PPARA: variants seen among roughly 807,000 people sequenced by gnomAD.
The protein encoded by PPARA is peroxisome proliferator-activated receptor alpha.
PPARA carries 22 observed loss-of-function variants against 42.2 expected under a neutral mutation model. The observed-to-expected ratio is 0.52, with a 90% CI of 0.37 to 0.74. The LOEUF is 0.74. PPARA is among the 30% of genes least tolerant of loss of function. The pLI is 0.00. For missense variants in PPARA, 465 were observed against 608.2 expected, an observed-to-expected ratio of 0.76 and a Z score of 2.48; for synonymous variants, 242 against 239.3, an observed-to-expected ratio of 1.01 and a Z score of -0.10.
intron 4 of PPARA, among the ~76,000 whole-genome samples, chr22:46,210,693 C>A (rs1478153692): frequency 6.6e-6 from 1 of 152,166 alleles, no homozygotes; most frequent in African/African-American, 2.4e-5. Flanking sequence ...ATCCGCCCAC[C>A]TCGGCCTCCC....
In PPARA at chr22:46,165,742, A is replaced by C. The variant is rs1213165402; in HGVS notation, c.-126-11011A>C. On this transcript the variant is annotated intron_variant, in intron 2 of 8. Coordinates refer to ENST00000407236, the MANE Select transcript of PPARA (RefSeq NM_005036.6). This position sits in a 1 kb window ranked among gnomAD's most constrained non-coding sequence, Gnocchi z 5.5. ...GGTGATCTCAGATTGCAAGGACCTC[A>C]AATGCCTGGCAGAAGCAAGTGAATA... is the stretch of plus-strand genomic sequence containing the variant. Among the ~76,000 whole-genome samples the C allele has an allele frequency of 6.6e-6, 1 of 152,228 alleles. No homozygotes were observed. Among genetic ancestry groups the C allele is most frequent in the Non-Finnish European group, 1.5e-5 (1 of 68,042 alleles).
At chr22:46,186,700 G>A (rs1480234569) in intron 3 of PPARA, among the ~76,000 whole-genome samples, 2 of 152,080 alleles carry the variant, frequency 1.3e-5, no homozygotes, top group African/African-American at 2.4e-5. Context: ...GTGAGAGAGC[G>A]AGACTCTGTC....
intron 7 of PPARA, among the ~76,000 whole-genome samples, chr22:46,223,153 A>T (rs1370141786): frequency 6.6e-6 from 1 of 151,626 alleles, no homozygotes; most frequent in African/African-American, 2.4e-5. Flanking sequence ...GAGACTCTCT[A>T]AAAAAAATTC....
rs1407618093 is a variant in PPARA at position 46,237,309 on chromosome 22, GTAA to G, written c.*1931_*1933del. On this transcript the variant is annotated 3_prime_UTR_variant, in exon 9 of 9. Coordinates refer to ENST00000407236, the MANE Select transcript of PPARA (RefSeq NM_005036.6). The surrounding 1 kb of genome is among the most constrained non-coding windows in gnomAD (Gnocchi z 6.7). The stretch of plus-strand genomic sequence containing the variant: ...ACAAATTTAGTCCGTTTTGGTTTTT[GTAA>G]TCAGGCTAGGCACAGTGGCTCACAC... The G allele has an allele frequency of 6.6e-6, 1 of 152,268 alleles. No individual in the cohort carries two copies. The highest frequency in any genetic ancestry group is 1.9e-4 in the East Asian group (1 of 5,182). 9.4% of individuals were successfully genotyped at this position (152,268 alleles called of 1,614,324 possible).
In PPARA at chr22:46,162,464, C is replaced by T. The variant is rs1384312684; in HGVS notation, c.-127+10494C>T. ...CCCCTGTGACCTCTACCTTTGAGAC[C>T]TCAGCTTAAACTCACTCTTAGGGAA... On this transcript the variant is annotated intron_variant, in intron 2 of 8. Transcript: ENST00000407236. This position sits in a 1 kb window ranked among gnomAD's most constrained non-coding sequence, Gnocchi z 6.0. Among the ~76,000 whole-genome samples, 2 of 152,208 alleles carry T rather than the reference C, an allele frequency of 1.3e-5. No individual in the cohort carries two copies. The highest frequency in any genetic ancestry group is 2.9e-5 in the Non-Finnish European group (2 of 68,030).
At chr22:46,220,358 AG>A (rs1934901449) in intron 7 of PPARA, 1 of 355,094 alleles carries the variant, frequency 2.8e-6, no homozygotes, top group Non-Finnish European at 5.4e-6. Context: ...TCTGTTGCCC[AG>A]GCTGGAATGC....
Position 46,224,644 on chromosome 22 carries a change from A to G in PPARA, c.711+4630A>G, listed in dbSNP as rs1199594640. Among the ~76,000 whole-genome samples the G allele has an allele frequency of 6.6e-6, 1 of 152,052 alleles. No individual in the cohort carries two copies. Among genetic ancestry groups the G allele is most frequent in the Non-Finnish European group, 1.5e-5 (1 of 68,018 alleles). On this transcript the variant is annotated intron_variant, in intron 7 of 8. Transcript: ENST00000407236. The surrounding 1 kb of genome is among the most constrained non-coding windows in gnomAD (Gnocchi z 5.7). The stretch of plus-strand genomic sequence containing the variant: ...GACTTCATTTCTGTTTGGGGATGAG[A>G]GGCGGCACAGTAAACTGTCCAGGCC...
At chr22:46,154,384 G>A (rs900909107) in intron 2 of PPARA, among the ~76,000 whole-genome samples, 10 of 152,292 alleles carry the variant, frequency 6.6e-5, no homozygotes, top group Non-Finnish European at 8.8e-5. Flanking sequence ...TTGTGAGGCC[G>A]AAGGGGATGG....
At chr22:46,208,512 C>T (rs1407835203) in intron 4 of PPARA, among the ~76,000 whole-genome samples, 9 of 149,674 alleles carry the variant, frequency 6.0e-5, no homozygotes, top group Non-Finnish European at 1.3e-4. Flanking sequence ...CATGCTACTG[C>T]ACTCCAGCCT....
In PPARA at chr22:46,233,791, T is replaced by C. The variant is rs1400860111; in HGVS notation, c.1160-1342T>C. Among the ~76,000 whole-genome samples the C allele has an allele frequency of 6.6e-6, 1 of 151,990 alleles. No individual in the cohort carries two copies. The highest frequency in any genetic ancestry group is 1.5e-5 in the Non-Finnish European group (1 of 67,994). On this transcript the variant is annotated intron_variant, in intron 8 of 8. Coordinates refer to ENST00000407236, the MANE Select transcript of PPARA (RefSeq NM_005036.6). The surrounding 1 kb of genome is among the most constrained non-coding windows in gnomAD (Gnocchi z 7.3). ...AAACCTATTATGGTGGGATTAAAAT[T>C]ATGAGGGGGGATTTCTATTTTTCAA... is the stretch of plus-strand genomic sequence containing the variant.
chr22:46,156,315 C>G lies in PPARA; in HGVS notation c.-127+4345C>G, dbSNP rs1013423276. 6 of 152,204 alleles carry G rather than the reference C, an allele frequency of 3.9e-5. No individual in the cohort carries two copies. Among genetic ancestry groups the G allele is most frequent in the Non-Finnish European group, 5.9e-5 (4 of 68,044 alleles). 9.4% of individuals were successfully genotyped at this position (152,204 alleles called of 1,614,324 possible). On this transcript the variant is annotated intron_variant, in intron 2 of 8. Transcript: ENST00000407236. The surrounding 1 kb of genome is among the most constrained non-coding windows in gnomAD (Gnocchi z 5.2). ...TCTCATCAGAAAATGAAGTTCCTCT[C>G]CATACCACCTCTCTGAAGGGCTGTG...
chr22:46,226,131 G>A (rs575111133), intron 7 of PPARA, among the ~76,000 whole-genome samples: 2 of 150,528 alleles, frequency 1.3e-5, no homozygotes, highest in Non-Finnish European at 2.9e-5. Context: ...ACCCACACAC[G>A]TACCCACACA....
chr22:46,226,891 A>C (rs4253764), intron 7 of PPARA, among the ~76,000 whole-genome samples: 13,027 of 152,118 alleles, frequency 0.086, 1,887 homozygotes, highest in African/African-American at 0.3. Context: ...AGAAAAAAAA[A>C]GTTGAGCAAG....
In PPARA at chr22:46,196,042, C is replaced by A; in HGVS notation, c.-42-2300C>A. Among the ~76,000 whole-genome samples, 1 of 152,162 alleles carries A rather than the reference C, an allele frequency of 6.6e-6. No homozygotes were observed. Among genetic ancestry groups the A allele is most frequent in the Non-Finnish European group, 1.5e-5 (1 of 68,036 alleles). On this transcript the variant is annotated intron_variant, in intron 3 of 8. Coordinates refer to ENST00000407236, the MANE Select transcript of PPARA (RefSeq NM_005036.6). The surrounding 1 kb of genome is among the most constrained non-coding windows in gnomAD (Gnocchi z 5.6). ...ATCCTGAAAGCAATTCTCAGCGCTG[C>A]TGCGTTTCCAGGAGGTAGAAGAACA...
Position 46,240,850 on chromosome 22 carries a change from G to T in PPARA, c.*5470G>T, listed in dbSNP as rs537732494. 6.6e-6 allele frequency: 1 copy of T among 152,256 alleles called. No individual in the cohort carries two copies. The highest frequency in any genetic ancestry group is 1.5e-5 in the Non-Finnish European group (1 of 68,058). The allele number at this position is 152,256 out of a possible 1,614,324, so 9.4% of individuals were successfully genotyped here. Reference sequence around the variant, plus strand: ...ATATTTGCATCGAGCAAAGGGGGCTGTGTGCACCTCCCTAATGGCAGCGAT... The same window carrying T: ...ATATTTGCATCGAGCAAAGGGGGCTTTGTGCACCTCCCTAATGGCAGCGAT... On this transcript the variant is annotated 3_prime_UTR_variant, in exon 9 of 9. Coordinates refer to ENST00000407236, the MANE Select transcript of PPARA (RefSeq NM_005036.6). The surrounding 1 kb of genome is among the most constrained non-coding windows in gnomAD (Gnocchi z 6.0).
rs768520407 is a variant in PPARA, at chr22:46,219,950, A to C, written c.647A>C (p.Lys216Thr). ...AAGAGAATCTACGAGGCCTACTTGA[A>C]GAACTTCAACATGAACAAGGTCAAA... ...LAKRIYEAYLKNFNMNKVKAR... is the reference protein window; with the variant it reads ...LAKRIYEAYLTNFNMNKVKAR... Residue 216 changes from lysine to threonine, a missense_variant, in exon 7 of 9, where the codon AAG (lysine) becomes ACG (threonine). By Grantham distance (78) the Lys-to-Thr change is moderately conservative (BLOSUM62 -1). Around this residue, in one of 2 missense-constraint regions of PPARA, gnomAD observed 313 missense variants for 469.1 expected, o/e 0.67. Coordinates refer to ENST00000407236, the MANE Select transcript of PPARA (RefSeq NM_005036.6). The surrounding 1 kb of genome is among the most constrained non-coding windows in gnomAD (Gnocchi z 4.8). 1.9e-6 allele frequency: 3 copies of C among 1,614,264 alleles called. No homozygotes were observed. The highest frequency in any genetic ancestry group is 2.5e-6 in the Non-Finnish European group (3 of 1,180,042).
intron 5 of PPARA, among the ~76,000 whole-genome samples, chr22:46,217,692 G>T (rs1006232882): frequency 2.0e-5 from 3 of 152,086 alleles, no homozygotes; most frequent in African/African-American, 4.8e-5. Flanking sequence ...TCCCAAGTCA[G>T]ATGAGGGCAT....
At chr22:46,198,288 A>T in intron 3 of PPARA, 54 bp from the exon 4 acceptor site, 1 of 766,864 alleles carries the variant, frequency 1.3e-6, no homozygotes, top group East Asian at 2.8e-5. Flanking sequence ...ATAAAAACAA[A>T]CAAGTGAACG....
At chr22:46,202,758 G>C (rs1186742402) in intron 4 of PPARA, among the ~76,000 whole-genome samples, 1 of 151,232 alleles carries the variant, frequency 6.6e-6, no homozygotes, top group Non-Finnish European at 1.5e-5. Flanking sequence ...GGCTACTCAG[G>C]AGGCTGAGGC....
Sources: gnomAD v4.1 joint callset for allele counts (sites outside exome capture counted in the v4.1 genomes callset) on GRCh38, gnomAD v4.1.1 for gene constraint, gnomAD v4.1.1 regional missense constraint, Gnocchi (gnomAD v3.1) non-coding constraint, MANE v1.5 for transcripts, NCBI Gene and HGNC (gene_info 2026-07-23, HGNC 2026-07-21) for gene names.